Variants in PHIP observed in about 807,000 individuals in gnomAD.
PHIP encodes PH-interacting protein.
PHIP carries 54 observed loss-of-function variants against 236.8 expected under a neutral mutation model. That is an observed-to-expected ratio of 0.23 (90% CI 0.18 to 0.29). The LOEUF (loss-of-function observed/expected upper bound fraction) is 0.29. Ranked by LOEUF, PHIP falls within the 10% of genes least tolerant of loss-of-function variation. The probability of loss-of-function intolerance (pLI) is 1.00; values close to 1 mark genes in which losing one functional copy is unlikely to be tolerated. For missense variants in PHIP, 1,370 were observed against 2,190.8 expected, an observed-to-expected ratio of 0.63 and a Z score of 7.48; for synonymous variants, 756 against 718.9, an observed-to-expected ratio of 1.05 and a Z score of -0.83.
chr6:78,934,483 GCAATA>G lies in PHIP; in HGVS notation c.*6205_*6209del, dbSNP rs1773189368. On this transcript the variant is annotated 3_prime_UTR_variant, in exon 40 of 40. Transcript: ENST00000275034. The stretch of plus-strand genomic sequence containing the variant: ...CTTTTAAAGCAATTCACAATTTATA[GCAATA>G]CAATAGTGTGTTGTAAAAACATTAA... 6.6e-6 allele frequency among the ~76,000 whole-genome samples: 1 copy of G among 152,156 alleles called. No homozygotes were observed. The highest frequency in any genetic ancestry group is 1.5e-5 in the Non-Finnish European group (1 of 68,030).
At chr6:79,066,291 T>C (rs1773615957) in intron 4 of PHIP, among the ~76,000 whole-genome samples, 1 of 152,194 alleles carries the variant, frequency 6.6e-6, no homozygotes, top group South Asian at 2.1e-4. Flanking sequence ...GCACACTGAA[T>C]GCCAGGCCCT....
chr6:79,057,696 A>G (rs1773142732), intron 6 of PHIP, among the ~76,000 whole-genome samples: 1 of 152,124 alleles, frequency 6.6e-6, no homozygotes, highest in Admixed American at 6.6e-5. Context: ...AAACTTTTAA[A>G]GGTAGCCAGA....
intron 15 of PHIP, among the ~76,000 whole-genome samples, chr6:79,007,513 C>T (rs544607124): frequency 1.3e-5 from 2 of 151,936 alleles, no homozygotes; most frequent in South Asian, 2.1e-4. Flanking sequence ...GAAGAATATA[C>T]AGAGAGTGAA....
intron 6 of PHIP, among the ~76,000 whole-genome samples, chr6:79,057,779 T>C (rs1224798711): frequency 1.3e-5 from 2 of 152,068 alleles, no homozygotes; most frequent in African/African-American, 4.8e-5. Flanking sequence ...TTTTTTTCAA[T>C]CTTCTGAACC....
At chr6:78,947,840 G>T in intron 35 of PHIP, 65 bp from the exon 36 acceptor site, 1 of 1,123,206 alleles carries the variant, frequency 8.9e-7, no homozygotes, top group Admixed American at 2.1e-5. Flanking sequence ...CTCAGTGCAG[G>T]GATTCGCACA....
chr6:79,010,649 T>G (rs1050826302), intron 15 of PHIP, among the ~76,000 whole-genome samples: 1 of 151,504 alleles, frequency 6.6e-6, no homozygotes, highest in Non-Finnish European at 1.5e-5. Context: ...GAAAGAGAGA[T>G]AGAGACACAG....
At chr6:78,993,159 T>C (rs530347385) in intron 19 of PHIP, among the ~76,000 whole-genome samples, 1 of 152,312 alleles carries the variant, frequency 6.6e-6, no homozygotes, top group East Asian at 1.9e-4. Flanking sequence ...AACTCTATTC[T>C]CTTCTATGAA....
At chr6:79,041,710 A>AT (rs1211049791) in intron 7 of PHIP, among the ~76,000 whole-genome samples, 1 of 152,094 alleles carries the variant, frequency 6.6e-6, no homozygotes, top group Non-Finnish European at 1.5e-5. Context: ...ACTTCAGCAA[A>AT]TATAGAGATG....
intron 7 of PHIP, among the ~76,000 whole-genome samples, chr6:79,037,936 T>C (rs1453335650): frequency 2.0e-5 from 3 of 152,228 alleles, no homozygotes; most frequent in Non-Finnish European, 4.4e-5. Context: ...ACATCTGTCA[T>C]GGCAATGTAA....
intron 10 of PHIP, among the ~76,000 whole-genome samples, chr6:79,017,959 T>A (rs1770913619): frequency 6.6e-6 from 1 of 151,908 alleles, no homozygotes; most frequent in Non-Finnish European, 1.5e-5. Context: ...ATCAAACTTT[T>A]AAGGCCCAAC....
Position 79,077,915 on chromosome 6 carries a change from T to C in PHIP, c.41-2A>G. ...ACCGGGCGATGAGGAAGTAGAGCTC[T>C]GCGCGGGAGAGAGGGACGGGGAGAC... is the stretch of plus-strand genomic sequence containing the variant. On this transcript the variant is annotated splice_acceptor_variant, in intron 1 of 39. Coordinates refer to ENST00000275034, the MANE Select transcript of PHIP (RefSeq NM_017934.7). LOFTEE classifies it high-confidence loss of function. 6.3e-7 allele frequency: 1 copy of C among 1,594,230 alleles called. No individual in the cohort carries two copies. The highest frequency in any genetic ancestry group is 8.5e-7 in the Non-Finnish European group (1 of 1,171,476).
In PHIP at chr6:78,946,047, C is replaced by T; in HGVS notation, c.4584G>A (p.Lys1528=). 6.2e-7 allele frequency: 1 copy of T among 1,612,314 alleles called. No individual in the cohort carries two copies. Among genetic ancestry groups the T allele is most frequent in the Non-Finnish European group, 8.5e-7 (1 of 1,178,410 alleles). The stretch of plus-strand genomic sequence containing the variant: ...ATGCATTAGCTTTTGTAATAAAAGT[C>T]TTTGCAGCTGAAGAAGTAGATGGTT... ...TEQPSTSSAA[K]TFITKANASA... is the part of the protein sequence containing the mutation. The change falls in exon 38 of 40, where the codon AAG becomes AAA. Residue 1528 remains lysine (K), a synonymous_variant. Coordinates refer to ENST00000275034, the MANE Select transcript of PHIP (RefSeq NM_017934.7).
At chr6:78,953,501 T>C (rs978983561) in intron 35 of PHIP, among the ~76,000 whole-genome samples, 1 of 152,204 alleles carries the variant, frequency 6.6e-6, no homozygotes, top group Admixed American at 6.5e-5. Flanking sequence ...AATCCATAAG[T>C]TGTGAAAACA....
At chr6:78,970,917 C>T in intron 24 of PHIP, 29 bp from the exon 25 acceptor site, 2 of 1,473,376 alleles carry the variant, frequency 1.4e-6, no homozygotes. Flanking sequence ...ATCTTACAAC[C>T]TGGATGTGTT....
chr6:79,018,773 A>G (rs373529271), intron 10 of PHIP, among the ~76,000 whole-genome samples: 1 of 152,014 alleles, frequency 6.6e-6, no homozygotes, highest in African/African-American at 2.4e-5. Context: ...TTAAAATACC[A>G]TTCTTACAAT....
chr6:79,050,716 C>T (rs1389838584), intron 6 of PHIP, among the ~76,000 whole-genome samples: 2 of 151,984 alleles, frequency 1.3e-5, no homozygotes, highest in African/African-American at 4.8e-5. Flanking sequence ...AATTCAAAGA[C>T]TGACAAAAAT....
chr6:78,989,234 G>A (rs1769062104), intron 20 of PHIP, among the ~76,000 whole-genome samples: 1 of 152,068 alleles, frequency 6.6e-6, no homozygotes, highest in Non-Finnish European at 1.5e-5. Context: ...CCAGGGCAAT[G>A]GCAATACCCT....
At chr6:79,003,526 AAAT>A (rs1770124314) in intron 16 of PHIP, among the ~76,000 whole-genome samples, 1 of 152,030 alleles carries the variant, frequency 6.6e-6, no homozygotes, top group South Asian at 2.1e-4. Context: ...GCAGATTTTC[AAAT>A]AATAAGCCCT....
intron 20 of PHIP, among the ~76,000 whole-genome samples, chr6:78,989,175 G>A (rs1395800633): frequency 6.6e-6 from 1 of 152,186 alleles, no homozygotes; most frequent in Non-Finnish European, 1.5e-5. Flanking sequence ...AGTACTTTGG[G>A]AGGCCAATGT....
Sources: gnomAD v4.1 joint callset for allele counts (sites outside exome capture counted in the v4.1 genomes callset) on GRCh38, gnomAD v4.1.1 for gene constraint, MANE v1.5 for transcripts, NCBI Gene and HGNC (gene_info 2026-07-23, HGNC 2026-07-21) for gene names.